GRB14: variants seen among roughly 807,000 people sequenced by gnomAD.
GRB14 encodes the protein growth factor receptor bound protein 14, also known as growth factor receptor-bound protein 14.
A neutral mutation model predicts 69.1 loss-of-function variants in GRB14; 38 were observed. That is an observed-to-expected ratio of 0.55 (90% CI 0.42 to 0.72). The LOEUF (loss-of-function observed/expected upper bound fraction) is 0.72, where lower values mean the gene tolerates loss of function less well. GRB14 is among the 30% of genes least tolerant of loss of function. The pLI, the probability that GRB14 is intolerant of heterozygous loss-of-function variation, is 0.00. For missense variants in GRB14, 666 were observed against 666.1 expected (o/e 1.00, Z 0.00); for synonymous variants, 247 against 241.3 (o/e 1.02, Z -0.22).
chr2:164,544,705 T>C (rs1574292248), intron 3 of GRB14, among the ~76,000 whole-genome samples: 2 of 152,224 alleles, frequency 1.3e-5, no homozygotes, highest in East Asian at 3.9e-4. Context: ...CTATCTAGGC[T>C]GAGCTGTCAA....
At chr2:164,608,968 G>A (rs1231443791) in intron 2 of GRB14, among the ~76,000 whole-genome samples, 2 of 152,196 alleles carry the variant, frequency 1.3e-5, no homozygotes, top group African/African-American at 4.8e-5. Flanking sequence ...TGCCAAAATA[G>A]TAAGTACAAT....
At chr2:164,540,736 C>T (rs1442094208) in intron 3 of GRB14, among the ~76,000 whole-genome samples, 1 of 152,212 alleles carries the variant, frequency 6.6e-6, no homozygotes, top group East Asian at 1.9e-4. Flanking sequence ...GGCCTTGTTT[C>T]CTGTCTCTCT....
chr2:164,617,997 C>T (rs553902009), intron 2 of GRB14, among the ~76,000 whole-genome samples: 46 of 146,716 alleles, frequency 3.1e-4, no homozygotes, highest in Middle Eastern at 3.2e-3. Flanking sequence ...GACAGATTCT[C>T]GCTCTGTCGT....
chr2:164,578,888 A>G (rs1689321227), intron 2 of GRB14, among the ~76,000 whole-genome samples: 1 of 152,202 alleles, frequency 6.6e-6, no homozygotes, highest in Admixed American at 6.5e-5. Context: ...CGCTGTTTAC[A>G]AGAGAAAATG....
chr2:164,516,444 T>C (rs1687488153), intron 6 of GRB14, among the ~76,000 whole-genome samples: 2 of 150,376 alleles, frequency 1.3e-5, no homozygotes, highest in Admixed American at 6.7e-5. Flanking sequence ...GCTGAGATCA[T>C]GCCACTGCAC....
chr2:164,508,855 T>TA lies in GRB14; in HGVS notation c.817-4dup, dbSNP rs746258813. On this transcript the variant is annotated splice_region_variant and splice_polypyrimidine_tract_variant and intron_variant, in intron 6 of 13. Coordinates refer to ENST00000263915, the MANE Select transcript of GRB14 (RefSeq NM_004490.3). ...AAAAACTGCAAATGCCGCGGTTCCT[T>TA]AAAAAAAAAAGTATTGACATGGATA... 12,690 of 1,334,434 alleles carry TA rather than the reference T, an allele frequency of 9.5e-3. 2 individuals are homozygous for TA. The highest frequency in any genetic ancestry group is 0.015 in the South Asian group (1,032 of 68,080). The allele number at this position is 1,334,434 out of a possible 1,614,324, so 82.7% of individuals were successfully genotyped here. A position where few individuals can be genotyped will look rare whatever the true frequency, so the allele number is the denominator to read the frequency against.
At chr2:164,589,820 C>G (rs1184113110) in intron 2 of GRB14, among the ~76,000 whole-genome samples, 2 of 152,174 alleles carry the variant, frequency 1.3e-5, no homozygotes, top group African/African-American at 4.8e-5. Flanking sequence ...GCACTACAGA[C>G]TGGGTGGCTT....
intron 2 of GRB14, among the ~76,000 whole-genome samples, chr2:164,613,795 G>A (rs1380352513): frequency 6.6e-6 from 1 of 152,112 alleles, no homozygotes; most frequent in East Asian, 1.9e-4. Flanking sequence ...TGTTTTGTCT[G>A]AACAATCAAT....
chr2:164,524,269 C>T (rs572600829), intron 5 of GRB14, among the ~76,000 whole-genome samples: 170 of 152,138 alleles, frequency 1.1e-3, no homozygotes, highest in African/African-American at 3.9e-3. Context: ...AAAGACATTG[C>T]TCAACATTAA....
At chr2:164,601,081 A>G (rs1256492701) in intron 2 of GRB14, among the ~76,000 whole-genome samples, 3 of 152,194 alleles carry the variant, frequency 2.0e-5, no homozygotes, top group Non-Finnish European at 4.4e-5. Flanking sequence ...CTTAAATCTC[A>G]GTTAAATCCC....
Position 164,493,117 on chromosome 2 carries a change from T to A in GRB14, c.1542A>T (p.Ile514=). ...TGAGTTGATAGAACTCCACCAGCTG[T>A]ATTAGATCTGTAAATCTTGTGTGGC... ...DDGHTRFTDL[I]QLVEFYQLNK... Residue 514 remains isoleucine, a synonymous_variant, in exon 14 of 14, where the codon ATA becomes ATT. Transcript: ENST00000263915. 2 of 1,613,122 alleles carry A rather than the reference T, an allele frequency of 1.2e-6. No individual in the cohort carries two copies. The highest frequency in any genetic ancestry group is 1.7e-6 in the Non-Finnish European group (2 of 1,179,226).
At chr2:164,505,472 A>T (rs1048916862) in intron 8 of GRB14, among the ~76,000 whole-genome samples, 2 of 152,164 alleles carry the variant, frequency 1.3e-5, no homozygotes, top group Non-Finnish European at 2.9e-5. Context: ...ACCAGCATCA[A>T]ACCTTGCACA....
chr2:164,539,460 G>A (rs933166005), intron 3 of GRB14, among the ~76,000 whole-genome samples: 5 of 132,292 alleles, frequency 3.8e-5, no homozygotes, highest in East Asian at 4.0e-4. Context: ...GGCGACAGAC[G>A]GCGACTCCAT....
At chr2:164,611,153 T>C (rs887446884) in intron 2 of GRB14, among the ~76,000 whole-genome samples, 1 of 152,172 alleles carries the variant, frequency 6.6e-6, no homozygotes, top group African/African-American at 2.4e-5. Context: ...GACAAAGCCA[T>C]GGAGAGTCCT....
chr2:164,504,592 G>A (rs1687143034), intron 8 of GRB14, among the ~76,000 whole-genome samples: 1 of 152,092 alleles, frequency 6.6e-6, no homozygotes, highest in Admixed American at 6.5e-5. Context: ...TCTCTTTCCT[G>A]TTTGGGTTCT....
At chr2:164,497,165 C>T (rs770050055) in intron 11 of GRB14, 46 bp downstream of exon 11, 1 of 1,595,428 alleles carries the variant, frequency 6.3e-7, no homozygotes, top group Non-Finnish European at 8.6e-7. Context: ...ATGTCCTTTC[C>T]ATGTCTATCC....
chr2:164,546,833 G>A (rs1419262692), intron 3 of GRB14, among the ~76,000 whole-genome samples: 2 of 152,144 alleles, frequency 1.3e-5, no homozygotes, highest in African/African-American at 4.8e-5. Context: ...CCCAGCCAAA[G>A]GAGACACCAA....
chr2:164,571,822 C>G (rs1433403608), intron 2 of GRB14, among the ~76,000 whole-genome samples: 2 of 152,186 alleles, frequency 1.3e-5, no homozygotes, highest in African/African-American at 4.8e-5. Context: ...AGGGAGAAAA[C>G]TGTAATCTGG....
rs886349331 is a variant in GRB14, at chr2:164,547,727, G to T, written c.414C>A (p.Ile138=). The T allele has an allele frequency of 4.3e-6, 7 of 1,613,548 alleles. No homozygotes were observed. Among genetic ancestry groups the T allele is most frequent in the Non-Finnish European group, 4.2e-6 (5 of 1,179,752 alleles). Residue 138 remains isoleucine (I), a synonymous_variant, in exon 3 of 14, where the codon ATC becomes ATA. Coordinates refer to ENST00000263915, the MANE Select transcript of GRB14 (RefSeq NM_004490.3). ...ITARDVCQLL[I]LKNHYIDDHS... The stretch of plus-strand genomic sequence containing the variant: ...GGTCATCAATGTAATGATTCTTCAG[G>T]ATCAACAGCTGACAAACATCTCGAG...
Sources: gnomAD v4.1 joint callset for allele counts (sites outside exome capture counted in the v4.1 genomes callset) on GRCh38, gnomAD v4.1.1 for gene constraint, MANE v1.5 for transcripts, NCBI Gene and HGNC (gene_info 2026-07-23, HGNC 2026-07-21) for gene names.